Variants in CPD observed in about 807,000 individuals in gnomAD.
CPD encodes the protein metallocarboxypeptidase D.
Under a neutral mutation model 138.3 loss-of-function variants are expected in CPD, and 69 were observed. The ratio of observed to expected loss-of-function variants is 0.50; its 90% CI spans 0.41 to 0.61. The LOEUF (loss-of-function observed/expected upper bound fraction) is 0.61. Ranked by LOEUF, CPD falls within the 20% of genes least tolerant of loss-of-function variation. The pLI, the probability that CPD is intolerant of heterozygous loss-of-function variation, is 0.00. For synonymous variants in CPD, 651 were observed against 642.1 expected, an observed-to-expected ratio of 1.01 and a Z score of -0.21; for missense variants, 1,432 against 1,733.3, an observed-to-expected ratio of 0.83 and a Z score of 3.09.
rs774460272 is a variant in CPD, at chr17:30,449,732, A to G, written c.3053A>G (p.Asn1018Ser). 3.7e-5 allele frequency: 58 copies of G among 1,569,068 alleles called. 1 individual carries two copies. The East Asian group carries it at 1.3e-3, about 36-fold the overall frequency. ...AEFLCLNYKK[N>S]PAVTQLVDRT... The stretch of plus-strand genomic sequence containing the variant: ...TTTCTCTGCCTGAACTACAAAAAGA[A>G]CCCAGCTGTTACCCAAGTAAGAGAA... Residue 1018 changes from asparagine (N) to serine (S), a missense_variant, in exon 13 of 21, where the codon AAC (asparagine) becomes AGC (serine). Asn to Ser is a conservative substitution (Grantham distance 46, BLOSUM62 1). Around this residue, in one of 6 missense-constraint regions of CPD, gnomAD observed 366 missense variants for 518.8 expected, o/e 0.71. Coordinates refer to ENST00000225719, the MANE Select transcript of CPD (RefSeq NM_001304.5).
chr17:30,442,643 T>G (rs1902789143), intron 10 of CPD, among the ~76,000 whole-genome samples, 193 bp downstream of exon 10: 1 of 152,162 alleles, frequency 6.6e-6, no homozygotes, highest in Admixed American at 6.6e-5. Context: ...GAAATGAGTT[T>G]ATTTGTATAT....
chr17:30,411,591 G>A (rs970824539), intron 2 of CPD, among the ~76,000 whole-genome samples: 6 of 151,818 alleles, frequency 4.0e-5, no homozygotes, highest in Admixed American at 3.9e-4. Flanking sequence ...TTGTCTTCTC[G>A]TTTTATTTCA....
At chr17:30,382,699 A>G (rs1911079116) in intron 1 of CPD, among the ~76,000 whole-genome samples, 1 of 152,256 alleles carries the variant, frequency 6.6e-6, no homozygotes, top group Non-Finnish European at 1.5e-5. Flanking sequence ...AGAAATGTTG[A>G]ACAAAATGAG....
intron 2 of CPD, among the ~76,000 whole-genome samples, chr17:30,391,132 CTT>C (rs5819898): frequency 0.52 from 59,766 of 115,152 alleles, 15,185 homozygotes; most frequent in East Asian, 0.8. Context: ...GCCTGGCCGC[CTT>C]TTTTTTTTTT....
Position 30,422,991 on chromosome 17 carries a change from A to G in CPD, c.1625A>G (p.Glu542Gly). The G allele has an allele frequency of 6.2e-7, 1 of 1,613,414 alleles. No homozygotes were observed. Among genetic ancestry groups the G allele is most frequent in the African/African-American group, 1.3e-5 (1 of 75,028 alleles). ...SVESRELYVM[E>G]ISDNPGVHEP... ...GAGTCAAGAGAACTTTATGTGATGG[A>G]GATATCTGATAATCCGGGTGTCCAT... is the stretch of plus-strand genomic sequence containing the variant. The change falls in exon 5 of 21, where the codon GAG becomes GGG. Residue 542 changes from glutamate to glycine, a missense_variant. Transcript: ENST00000225719.
intron 2 of CPD, among the ~76,000 whole-genome samples, chr17:30,400,109 A>G (rs912098025): frequency 6.6e-6 from 1 of 152,158 alleles, no homozygotes; most frequent in Non-Finnish European, 1.5e-5. Flanking sequence ...TGTTTGCACC[A>G]TTTACACTGA....
Position 30,461,207 on chromosome 17 carries a change from C to A in CPD, c.3526C>A (p.Pro1176Thr), listed in dbSNP as rs1234116623. The change falls in exon 18 of 21, where the codon CCG becomes ACG. Residue 1176 changes from proline (P) to threonine (T), a missense_variant. Coordinates refer to ENST00000225719, the MANE Select transcript of CPD (RefSeq NM_001304.5). ...TTATAGTGTCACCTATGGCCATTGT[C>A]CGGAAATCACAGTATACACAAGCTG... is the stretch of plus-strand genomic sequence containing the variant. ...KDYSVTYGHC[P>T]EITVYTSCCY... The A allele has an allele frequency of 6.2e-7, 1 of 1,605,332 alleles. No individual in the cohort carries two copies. The highest frequency in any genetic ancestry group is 8.5e-7 in the Non-Finnish European group (1 of 1,176,574).
intron 18 of CPD, 48 bp from the exon 19 acceptor site, chr17:30,461,829 T>C: frequency 6.7e-7 from 1 of 1,489,638 alleles, no homozygotes; most frequent in Non-Finnish European, 9.1e-7. Flanking sequence ...GCCTCTACCA[T>C]GTCTGGCATT....
intron 2 of CPD, among the ~76,000 whole-genome samples, chr17:30,388,557 T>G (rs1221177442): frequency 6.6e-6 from 1 of 151,940 alleles, no homozygotes. Flanking sequence ...CAATCCCGGA[T>G]AGGAGCAGAC....
intron 2 of CPD, among the ~76,000 whole-genome samples, chr17:30,396,378 A>C (rs1431281943): frequency 6.6e-6 from 1 of 151,948 alleles, no homozygotes; most frequent in Non-Finnish European, 1.5e-5. Flanking sequence ...AGGCAAGTAA[A>C]AAAAAAAACA....
chr17:30,445,569 C>G, intron 11 of CPD, 122 bp from the exon 12 acceptor site: 1 of 592,158 alleles, frequency 1.7e-6, no homozygotes, highest in South Asian at 3.2e-5. Context: ...AAAATTTTGT[C>G]TCTTTAGGAA....
chr17:30,392,687 C>A (rs748903598), intron 2 of CPD, among the ~76,000 whole-genome samples: 1 of 152,172 alleles, frequency 6.6e-6, no homozygotes, highest in Non-Finnish European at 1.5e-5. Context: ...TGGTAGAATT[C>A]ATTTATTTTC....
chr17:30,411,050 C>T (rs1034073576), intron 2 of CPD, among the ~76,000 whole-genome samples: 1 of 152,122 alleles, frequency 6.6e-6, no homozygotes, highest in African/African-American at 2.4e-5. Flanking sequence ...TAAGGCAGGT[C>T]TGGTGGTGAC....
chr17:30,442,270 C>T, intron 9 of CPD, 38 bp from the exon 10 acceptor site: 16 of 1,596,726 alleles, frequency 1.0e-5, no homozygotes, highest in Non-Finnish European at 1.2e-5. Flanking sequence ...CTGTTTAGAA[C>T]TTCTTCAGAG....
intron 8 of CPD, among the ~76,000 whole-genome samples, chr17:30,435,124 A>G (rs1912666463): frequency 6.6e-6 from 1 of 152,146 alleles, no homozygotes; most frequent in East Asian, 1.9e-4. Context: ...AGGCCAGGAA[A>G]CAAAAAACAG....
intron 2 of CPD, among the ~76,000 whole-genome samples, chr17:30,417,728 G>A (rs552460821): frequency 2.1e-4 from 32 of 152,152 alleles, no homozygotes; most frequent in Admixed American, 7.2e-4. Flanking sequence ...CTGCCTAACC[G>A]GGCTTTTTGC....
At chr17:30,414,463 G>T (rs1271388820) in intron 2 of CPD, among the ~76,000 whole-genome samples, 1 of 151,926 alleles carries the variant, frequency 6.6e-6, no homozygotes, top group Non-Finnish European at 1.5e-5. Context: ...GGCGCCTGTA[G>T]TCCCAGCTAC....
chr17:30,434,165 T>C lies in CPD; in HGVS notation c.2127+2284T>C, dbSNP rs74375198. On this transcript the variant is annotated intron_variant, in intron 8 of 20. Coordinates refer to ENST00000225719, the MANE Select transcript of CPD (RefSeq NM_001304.5). ...GAGCAGCCAAAGACAATGATGGCTA[T>C]GTGATAACCTATCTCCCAGGGTTTT... 2.8e-3 allele frequency among the ~76,000 whole-genome samples: 420 copies of C among 152,326 alleles called. 10 individuals carry two copies. Among genetic ancestry groups the C allele is most frequent in the Admixed American group, 0.023 (347 of 15,286 alleles).
At chr17:30,425,655 CAAAA>C (rs11337028) in intron 6 of CPD, among the ~76,000 whole-genome samples, 2 of 113,606 alleles carry the variant, frequency 1.8e-5, no homozygotes, top group Non-Finnish European at 1.9e-5. Context: ...GACTCTGTCT[CAAAA>C]AAAAAAAAAA....
Sources: allele counts gnomAD v4.1 joint callset (sites outside exome capture counted in the v4.1 genomes callset), GRCh38; gene constraint gnomAD v4.1.1; regional missense constraint gnomAD v4.1.1; transcripts MANE v1.5; gene names NCBI Gene and HGNC (gene_info 2026-07-23, HGNC 2026-07-21).